Variants in ADAMTSL1 observed in about 807,000 individuals in gnomAD.
The protein encoded by ADAMTSL1 is ADAMTS-like protein 1.
ADAMTSL1 carries 126 observed loss-of-function variants against 201.8 expected under a neutral mutation model. That is an observed-to-expected ratio of 0.62 (90% CI 0.54 to 0.72). ADAMTSL1 has a LOEUF of 0.72. ADAMTSL1 is among the 30% of genes least tolerant of loss of function. The pLI is 0.00. For missense variants in ADAMTSL1, 2,679 were observed against 2,277.8 expected (o/e 1.18, Z -3.59); for synonymous variants, 1,121 against 903.4 (o/e 1.24, Z -4.32).
chr9:18,762,870 G>A (rs907308174), intron 16 of ADAMTSL1, among the ~76,000 whole-genome samples: 1 of 152,084 alleles, frequency 6.6e-6, no homozygotes, highest in African/African-American at 2.4e-5. Flanking sequence ...CATTGTGTAT[G>A]TGTACCACAT....
At chr9:18,254,345 G>GTTTTTTTTTTTTTTGTTTTT (rs1831585315) in intron 2 of ADAMTSL1, among the ~76,000 whole-genome samples, 1 of 49,330 alleles carries the variant, frequency 2.0e-5, no homozygotes, top group Non-Finnish European at 3.5e-5. Flanking sequence ...ACTCTTTTTG[G>GTTTTTTTTTTTTTTGTTTTT]TTTTTTTTTT....
intron 4 of ADAMTSL1, among the ~76,000 whole-genome samples, chr9:18,617,992 T>G (rs1041834517): frequency 6.6e-6 from 1 of 152,190 alleles, no homozygotes; most frequent in Non-Finnish European, 1.5e-5. Context: ...TTATGAGTGG[T>G]CATTATCTCA....
At chr9:18,503,584 A>T (rs1587395680) in intron 1 of ADAMTSL1, among the ~76,000 whole-genome samples, 2 of 151,848 alleles carry the variant, frequency 1.3e-5, no homozygotes, top group East Asian at 3.9e-4. Flanking sequence ...TCTCCATCTT[A>T]TGATAAGAAA....
At chr9:18,862,045 G>A (rs1315576901) in intron 23 of ADAMTSL1, among the ~76,000 whole-genome samples, 2 of 152,184 alleles carry the variant, frequency 1.3e-5, no homozygotes, top group Non-Finnish European at 2.9e-5. Context: ...GCTCACCGTG[G>A]AATTCCTAGT....
At chr9:18,506,777 T>C (rs996701460) in intron 2 of ADAMTSL1, among the ~76,000 whole-genome samples, 1 of 152,084 alleles carries the variant, frequency 6.6e-6, no homozygotes, top group African/African-American at 2.4e-5. Flanking sequence ...TAAAAATATA[T>C]ATTCAGTAAT....
chr9:18,154,374 A>G (rs758338135), intron 1 of ADAMTSL1, among the ~76,000 whole-genome samples: 1 of 152,062 alleles, frequency 6.6e-6, no homozygotes. Context: ...CTTAGCTGGA[A>G]TAGAATGTTC....
chr9:18,286,337 A>G (rs541645980), intron 2 of ADAMTSL1, among the ~76,000 whole-genome samples: 1 of 152,318 alleles, frequency 6.6e-6, no homozygotes, highest in East Asian at 1.9e-4. Context: ...CTCAGTGAAT[A>G]TGTATTAACT....
chr9:18,339,796 C>A (rs1431601247), intron 2 of ADAMTSL1, among the ~76,000 whole-genome samples: 1 of 152,052 alleles, frequency 6.6e-6, no homozygotes, highest in East Asian at 1.9e-4. Context: ...TCCTTCCTAC[C>A]AGCATTTAAA....
At chr9:18,131,048 G>C (rs1825930066) in intron 1 of ADAMTSL1, among the ~76,000 whole-genome samples, 1 of 152,136 alleles carries the variant, frequency 6.6e-6, no homozygotes, top group African/African-American at 2.4e-5. Context: ...CCTAAAAGTA[G>C]AAAATCCTTA....
rs57749719 is a variant in ADAMTSL1 at position 18,503,980 on chromosome 9, A to ATGTGTGTGTGTG, written c.64-834_64-823dup. Among the ~76,000 whole-genome samples, 1,469 of 148,126 alleles carry ATGTGTGTGTGTG rather than the reference A, an allele frequency of 9.9e-3. 21 individuals are homozygous for ATGTGTGTGTGTG. Among genetic ancestry groups the ATGTGTGTGTGTG allele is most frequent in the South Asian group, 0.075 (339 of 4,538 alleles). On this transcript the variant is annotated intron_variant, in intron 1 of 28. Coordinates refer to ENST00000380548, the MANE Select transcript of ADAMTSL1 (RefSeq NM_001040272.6). ...ATCTTCCTATATAATATGTGCATGC[A>ATGTGTGTGTGTG]TGTGTGTGTGTGTGTGTGTGTGTGT...
chr9:18,115,572 A>G (rs778611016), intron 1 of ADAMTSL1, among the ~76,000 whole-genome samples: 1 of 152,226 alleles, frequency 6.6e-6, no homozygotes, highest in Non-Finnish European at 1.5e-5. Context: ...TTTATTTACC[A>G]GAACTTAAAG....
chr9:17,958,076 C>T (rs1827998763), intron 1 of ADAMTSL1, among the ~76,000 whole-genome samples: 2 of 152,174 alleles, frequency 1.3e-5, no homozygotes, highest in Admixed American at 1.3e-4. Context: ...TCTCCACATG[C>T]TTTTCCTTCT....
rs1746480544 is a variant in ADAMTSL1, at chr9:18,092,927, T to C, written c.88-70935T>C. ...TTTACAAAATGGACTTGGCAACAAG[T>C]AGGAATATCTGGGAAGCTGAACAAG... On this transcript the variant is annotated intron_variant, in intron 1 of 29. Transcript: ENST00000680146. Among the ~76,000 whole-genome samples, 3 of 152,178 alleles carry C rather than the reference T, an allele frequency of 2.0e-5. No individual in the cohort carries two copies. In the South Asian group the frequency reaches 6.2e-4, roughly 31 times the overall value.
At chr9:18,295,876 C>T (rs1833461164) in intron 2 of ADAMTSL1, among the ~76,000 whole-genome samples, 1 of 152,120 alleles carries the variant, frequency 6.6e-6, no homozygotes, top group Non-Finnish European at 1.5e-5. Flanking sequence ...AATGTATTAA[C>T]ATAAAGAAGA....
chr9:18,011,614 G>A (rs1003754513), intron 1 of ADAMTSL1, among the ~76,000 whole-genome samples: 1 of 151,984 alleles, frequency 6.6e-6, no homozygotes, highest in African/African-American at 2.4e-5. Context: ...CACAGTCCAG[G>A]ACCCAGCCGT....
chr9:18,810,276 ATTCCAAGGTGAGC>A (rs1400894162), intron 20 of ADAMTSL1, among the ~76,000 whole-genome samples: 2 of 152,220 alleles, frequency 1.3e-5, no homozygotes, highest in African/African-American at 4.8e-5. Flanking sequence ...CTATGCATGC[ATTCCAAGGTGAGC>A]TTCTCAGAAC....
chr9:18,418,432 C>T (rs1336978376), intron 2 of ADAMTSL1, among the ~76,000 whole-genome samples: 2 of 152,090 alleles, frequency 1.3e-5, no homozygotes, highest in Non-Finnish European at 2.9e-5. Context: ...CCCCTATTTG[C>T]ATAATACACA....
chr9:18,038,176 G>A (rs1821284345), intron 1 of ADAMTSL1, among the ~76,000 whole-genome samples: 1 of 152,112 alleles, frequency 6.6e-6, no homozygotes. Flanking sequence ...CTGCCATCAG[G>A]TAGACCATCT....
chr9:18,796,630 C>T (rs556024544), intron 20 of ADAMTSL1: 1 of 152,278 alleles, frequency 6.6e-6, no homozygotes, highest in Admixed American at 6.5e-5. Flanking sequence ...GGGAAGGGAC[C>T]CTTAGCAGGC....
Sources: gnomAD v4.1 joint callset for allele counts (sites outside exome capture counted in the v4.1 genomes callset) on GRCh38, gnomAD v4.1.1 for gene constraint, MANE v1.5 for transcripts, NCBI Gene and HGNC (gene_info 2026-07-23, HGNC 2026-07-21) for gene names.